FOXP2: variants seen among roughly 807,000 people sequenced by gnomAD.
The protein encoded by FOXP2 is forkhead box P2, also known as forkhead box protein P2.
A neutral mutation model predicts 115.8 loss-of-function variants in FOXP2; 12 were observed. The ratio of observed to expected loss-of-function variants is 0.10; its 90% CI spans 0.07 to 0.17. FOXP2 has a LOEUF of 0.17. FOXP2 is among the 10% of genes least tolerant of loss of function. The pLI, the probability that FOXP2 is intolerant of heterozygous loss-of-function variation, is 1.00. For missense variants in FOXP2, 629 were observed against 843.5 expected (o/e 0.75, Z 3.15); for synonymous variants, 328 against 297.7 (o/e 1.10, Z -1.05).
At chr7:114,661,915 T>C in intron 13 of FOXP2, 150 bp from the exon 14 acceptor site, 1 of 952,924 alleles carries the variant, frequency 1.0e-6, no homozygotes, top group Non-Finnish European at 1.6e-6. Flanking sequence ...AAGTTTGAGG[T>C]TTGTAATATC....
chr7:114,390,522 G>GTATGTATGTATGTATGTATTTATT (rs1554382697), intron 2 of FOXP2, among the ~76,000 whole-genome samples: 2 of 148,264 alleles, frequency 1.3e-5, no homozygotes, highest in Admixed American at 1.3e-4. Context: ...TTTTATTTAT[G>GTATGTATGTATGTATGTATTTATT]TATTTATTTA....
Position 114,263,658 on chromosome 7 carries a change from C to T in FOXP2, c.-101-24361C>T, listed in dbSNP as rs531743085. On this transcript the variant is annotated intron_variant, in intron 1 of 17. Coordinates refer to the FOXP2 transcript ENST00000634411. The stretch of plus-strand genomic sequence containing the variant: ...AATCAGTCCCACCTTGAAATGTATT[C>T]TTCCTTTGGCCTCCTATACCATCCT... Among the ~76,000 whole-genome samples the T allele has an allele frequency of 7.3e-5, 11 of 151,664 alleles. No individual in the cohort carries two copies. The East Asian group carries it at 2.2e-3, about 30-fold the overall frequency.
At chr7:114,434,717 A>T (rs1184667845) in intron 2 of FOXP2, among the ~76,000 whole-genome samples, 1 of 152,096 alleles carries the variant, frequency 6.6e-6, no homozygotes, top group Non-Finnish European at 1.5e-5. Context: ...TTCAGTAAAA[A>T]GCTGTATTCA....
chr7:114,466,997 G>T (rs1030584380), intron 2 of FOXP2, among the ~76,000 whole-genome samples: 3 of 152,198 alleles, frequency 2.0e-5, no homozygotes, highest in Non-Finnish European at 2.9e-5. Context: ...AGTCTGAGTA[G>T]TGACTGTCTA....
intron 2 of FOXP2, among the ~76,000 whole-genome samples, chr7:114,445,786 T>A (rs1329458095): frequency 6.6e-6 from 1 of 152,138 alleles, no homozygotes; most frequent in African/African-American, 2.4e-5. Context: ...ACATATGTAT[T>A]GATGTATATA....
intron 1 of FOXP2, among the ~76,000 whole-genome samples, chr7:114,209,013 T>TA (rs1794274615): frequency 1.3e-5 from 2 of 152,214 alleles, no homozygotes; most frequent in African/African-American, 4.8e-5. Flanking sequence ...AGTGGAATGA[T>TA]ATGGTTTGGC....
intron 2 of FOXP2, among the ~76,000 whole-genome samples, chr7:114,509,162 A>G (rs1005665468): frequency 6.6e-6 from 1 of 152,120 alleles, no homozygotes; most frequent in African/African-American, 2.4e-5. Context: ...CAGAGTCTTC[A>G]GGGTAGCAAC....
chr7:114,262,641 G>C (rs1249870252), intron 1 of FOXP2, among the ~76,000 whole-genome samples: 2 of 152,152 alleles, frequency 1.3e-5, no homozygotes, highest in African/African-American at 4.8e-5. Flanking sequence ...TGATGTTTAA[G>C]TTTGATTTAA....
chr7:114,472,783 A>G (rs1040848286), intron 2 of FOXP2, among the ~76,000 whole-genome samples: 3 of 152,180 alleles, frequency 2.0e-5, no homozygotes, highest in Admixed American at 6.5e-5. Flanking sequence ...CTAAGCTCAA[A>G]TGTTCACTCT....
At chr7:114,154,506 T>A (rs1006243175) in intron 1 of FOXP2, among the ~76,000 whole-genome samples, 2 of 152,092 alleles carry the variant, frequency 1.3e-5, no homozygotes, top group South Asian at 4.1e-4. Flanking sequence ...TTTTTGAGAA[T>A]GGAAGATTAT....
chr7:114,608,151 A>G (rs982871633), intron 3 of FOXP2, among the ~76,000 whole-genome samples: 1 of 152,252 alleles, frequency 6.6e-6, no homozygotes, highest in African/African-American at 2.4e-5. Context: ...CTATATTGCC[A>G]GGTCCCACAA....
chr7:114,145,438 TTTC>T (rs139114231), intron 1 of FOXP2, among the ~76,000 whole-genome samples: 4,484 of 20,410 alleles, frequency 0.22, 197 homozygotes, highest in East Asian at 0.43. Flanking sequence ...CATTTTTTCT[TTTC>T]TTTTCTTTTC....
intron 1 of FOXP2, among the ~76,000 whole-genome samples, chr7:114,183,174 T>G (rs947234282): frequency 6.6e-6 from 1 of 152,122 alleles, no homozygotes; most frequent in Non-Finnish European, 1.5e-5. Flanking sequence ...TGTTTAGAAA[T>G]TAGCTTCATA....
chr7:114,112,499 A>G (rs911596924), intron 1 of FOXP2, among the ~76,000 whole-genome samples: 5 of 151,916 alleles, frequency 3.3e-5, no homozygotes, highest in African/African-American at 1.2e-4. Flanking sequence ...GGGTTTCACC[A>G]TGTTGCCCAG....
At chr7:114,607,312 A>T (rs1803383671) in intron 3 of FOXP2, among the ~76,000 whole-genome samples, 1 of 152,176 alleles carries the variant, frequency 6.6e-6, no homozygotes, top group Admixed American at 6.5e-5. Context: ...AAAGGAAAAA[A>T]GTCCTTTCTA....
At chr7:114,291,404 A>C (rs987641063) in intron 2 of FOXP2, among the ~76,000 whole-genome samples, 1 of 152,154 alleles carries the variant, frequency 6.6e-6, no homozygotes, top group Non-Finnish European at 1.5e-5. Context: ...TTTGGGGACA[A>C]CACAAATATT....
At chr7:114,339,663 G>T (rs549287998) in intron 2 of FOXP2, among the ~76,000 whole-genome samples, 13 of 150,926 alleles carry the variant, frequency 8.6e-5, no homozygotes, top group Non-Finnish European at 1.8e-4. Flanking sequence ...AAATCCTTGC[G>T]TTGGTATAGG....
intron 1 of FOXP2, among the ~76,000 whole-genome samples, chr7:114,106,642 G>A (rs1333242026): frequency 2.6e-5 from 4 of 151,964 alleles, no homozygotes; most frequent in African/African-American, 9.7e-5. Flanking sequence ...TTGTGAATGT[G>A]TTTAGATGTC....
At chr7:114,088,622 C>G (rs1425910651) in intron 1 of FOXP2, among the ~76,000 whole-genome samples, 1 of 152,196 alleles carries the variant, frequency 6.6e-6, no homozygotes. Flanking sequence ...AATAGCAAGT[C>G]TGTGTTAGAG....
Sources: allele counts gnomAD v4.1 joint callset (sites outside exome capture counted in the v4.1 genomes callset), GRCh38; gene constraint gnomAD v4.1.1; transcripts MANE v1.5; gene names NCBI Gene and HGNC (gene_info 2026-07-23, HGNC 2026-07-21).